The following NYAP2 variants were observed in gnomAD, a reference collection of about 807,000 sequenced individuals.
NYAP2 encodes neuronal tyrosine-phosphorylated phosphoinositide-3-kinase adaptor 2, also known as neuronal tyrosine-phosphorylated phosphoinositide-3-kinase adapter 2.
A neutral mutation model predicts 50.4 loss-of-function variants in NYAP2; 23 were observed. The ratio of observed to expected loss-of-function variants is 0.46; its 90% CI spans 0.33 to 0.65. NYAP2 has a LOEUF of 0.65. Ranked by LOEUF, NYAP2 falls within the 30% of genes least tolerant of loss-of-function variation. The pLI is 0.02. For missense variants in NYAP2, 885 were observed against 861.0 expected (o/e 1.03, Z -0.35); for synonymous variants, 394 against 365.2 (o/e 1.08, Z -0.90).
At chr2:225,625,043 T>TAAAAAAAAAAA (rs386392796) in intron 5 of NYAP2, among the ~76,000 whole-genome samples, 1 of 69,630 alleles carries the variant, frequency 1.4e-5, no homozygotes, top group Admixed American at 2.2e-4. Flanking sequence ...AACCCAAGCG[T>TAAAAAAAAAAA]AAAAAAAAAA....
intron 3 of NYAP2, among the ~76,000 whole-genome samples, chr2:225,442,420 T>C (rs1375937090): frequency 1.3e-5 from 2 of 152,210 alleles, no homozygotes; most frequent in Non-Finnish European, 2.9e-5. Flanking sequence ...TTGACTTTTT[T>C]TGAATCACTG....
chr2:225,402,443 A>T (rs906225505), intron 2 of NYAP2, among the ~76,000 whole-genome samples: 4 of 152,034 alleles, frequency 2.6e-5, no homozygotes, highest in African/African-American at 9.7e-5. Flanking sequence ...CCAAGCCTCC[A>T]AAAAGTATCT....
At chr2:225,620,013 G>T (rs147886882) in intron 5 of NYAP2, among the ~76,000 whole-genome samples, 2 of 152,308 alleles carry the variant, frequency 1.3e-5, no homozygotes, top group Non-Finnish European at 2.9e-5. Context: ...AGTTGGCACC[G>T]TGAGCTACAT....
At chr2:225,436,384 G>A (rs1038048758) in intron 3 of NYAP2, among the ~76,000 whole-genome samples, 1 of 152,098 alleles carries the variant, frequency 6.6e-6, no homozygotes, top group African/African-American at 2.4e-5. Flanking sequence ...AGCTTGACAT[G>A]GTTTGCTGAC....
chr2:225,471,296 AC>A (rs1690009685), intron 3 of NYAP2, among the ~76,000 whole-genome samples: 1 of 152,234 alleles, frequency 6.6e-6, no homozygotes, highest in African/African-American at 2.4e-5. Context: ...GAATGTGGTG[AC>A]GCAGAATGGT....
chr2:225,559,926 A>T (rs1691843925), intron 4 of NYAP2, among the ~76,000 whole-genome samples: 1 of 152,104 alleles, frequency 6.6e-6, no homozygotes, highest in South Asian at 2.1e-4. Flanking sequence ...GTTGGAGAAG[A>T]TATTGCCTGC....
chr2:225,414,810 T>C (rs1015126233), intron 3 of NYAP2, among the ~76,000 whole-genome samples: 1 of 152,184 alleles, frequency 6.6e-6, no homozygotes, highest in African/African-American at 2.4e-5. Flanking sequence ...AACAAAGTTT[T>C]CTTTCTTAAA....
chr2:225,442,724 C>T (rs1689490141), intron 3 of NYAP2, among the ~76,000 whole-genome samples: 1 of 152,056 alleles, frequency 6.6e-6, no homozygotes, highest in African/African-American at 2.4e-5. Flanking sequence ...TACAGGCACA[C>T]ACCACCACGC....
At chr2:225,678,399 G>T in the NYAP2 span, among the ~76,000 whole-genome samples, 2 of 151,270 alleles carry the variant, frequency 1.3e-5, no homozygotes, top group Non-Finnish European at 3.0e-5. Flanking sequence ...TGAACTTTTG[G>T]GTCTCAATTT....
chr2:225,631,169 G>A (rs139367308), intron 6 of NYAP2, among the ~76,000 whole-genome samples: 75 of 152,310 alleles, frequency 4.9e-4, no homozygotes, highest in African/African-American at 1.8e-3. Flanking sequence ...TGAACACTTA[G>A]TAAGTTACAT....
intron 4 of NYAP2, among the ~76,000 whole-genome samples, chr2:225,550,023 G>GA (rs1250738074): frequency 4.0e-5 from 6 of 149,466 alleles, no homozygotes; most frequent in African/African-American, 1.5e-4. Flanking sequence ...AATAGAGAGA[G>GA]AGAAAAAAAA....
At chr2:225,610,349 C>T (rs1179996617) in intron 5 of NYAP2, among the ~76,000 whole-genome samples, 4 of 152,020 alleles carry the variant, frequency 2.6e-5, no homozygotes, top group Non-Finnish European at 5.9e-5. Flanking sequence ...ATGCATACCT[C>T]GGTTCTCTCT....
chr2:225,593,727 A>G (rs561396347), intron 5 of NYAP2, among the ~76,000 whole-genome samples: 1 of 152,348 alleles, frequency 6.6e-6, no homozygotes, highest in South Asian at 2.1e-4. Flanking sequence ...TCTTTCCCCA[A>G]GTTGGTACAT....
the NYAP2 span, among the ~76,000 whole-genome samples, chr2:225,684,974 A>C: frequency 6.6e-6 from 1 of 152,194 alleles, no homozygotes; most frequent in African/African-American, 2.4e-5. Flanking sequence ...CTAGCAAAAT[A>C]ACTGGCTCCA....
At chr2:225,550,807 T>A (rs956027110) in intron 4 of NYAP2, among the ~76,000 whole-genome samples, 1 of 152,126 alleles carries the variant, frequency 6.6e-6, no homozygotes, top group Non-Finnish European at 1.5e-5. Context: ...TTTGATGAGA[T>A]TGGAGCTTTT....
chr2:225,690,252 G>T, the NYAP2 span, among the ~76,000 whole-genome samples: 3 of 151,948 alleles, frequency 2.0e-5, no homozygotes, highest in African/African-American at 7.2e-5. Context: ...AGATACATGG[G>T]TCAAATATGC....
the NYAP2 span, among the ~76,000 whole-genome samples, chr2:225,675,915 A>T: frequency 6.6e-6 from 1 of 152,040 alleles, no homozygotes; most frequent in African/African-American, 2.4e-5. Flanking sequence ...ACATTTTTGT[A>T]TATGTTTGTT....
intron 5 of NYAP2, 131 bp from the exon 6 acceptor site, chr2:225,626,786 G>A (rs551547044): frequency 2.9e-6 from 2 of 682,124 alleles, no homozygotes; most frequent in East Asian, 5.4e-5. Flanking sequence ...ATATTTAAAT[G>A]TTGTAGTCTC....
chr2:225,467,890 A>G (rs1289309971), intron 3 of NYAP2, among the ~76,000 whole-genome samples: 3 of 152,158 alleles, frequency 2.0e-5, no homozygotes, highest in Non-Finnish European at 4.4e-5. Context: ...CATGCTGGCC[A>G]CTACTCCAAG....
Sources: allele counts gnomAD v4.1 joint callset (sites outside exome capture counted in the v4.1 genomes callset), GRCh38; gene constraint gnomAD v4.1.1; transcripts MANE v1.5; gene names NCBI Gene and HGNC (gene_info 2026-07-23, HGNC 2026-07-21).